SLC23A2: variants seen among roughly 807,000 people sequenced by gnomAD.
The protein encoded by SLC23A2 is Na(+)/L-ascorbic acid transporter 2.
A neutral mutation model predicts 73.3 loss-of-function variants in SLC23A2; 36 were observed. That is an observed-to-expected ratio of 0.49 (90% CI 0.38 to 0.65). The LOEUF (loss-of-function observed/expected upper bound fraction) is 0.65, where lower values mean the gene tolerates loss of function less well. SLC23A2 is among the 30% of genes least tolerant of loss of function. The probability of loss-of-function intolerance (pLI) is 0.00; values close to 1 mark genes in which losing one functional copy is unlikely to be tolerated. For synonymous variants in SLC23A2, 343 were observed against 327.3 expected, an observed-to-expected ratio of 1.05 and a Z score of -0.52; for missense variants, 507 against 841.6, an observed-to-expected ratio of 0.60 and a Z score of 4.92.
At chr20:4,880,192 C>T (rs1406679919) in intron 9 of SLC23A2, among the ~76,000 whole-genome samples, 2 of 152,208 alleles carry the variant, frequency 1.3e-5, no homozygotes, top group African/African-American at 2.4e-5. Flanking sequence ...GAGTTTCCCT[C>T]CTTTCACAGA....
intron 1 of SLC23A2, among the ~76,000 whole-genome samples, chr20:4,974,796 T>C (rs962426664): frequency 6.6e-6 from 1 of 152,186 alleles, no homozygotes; most frequent in African/African-American, 2.4e-5. Context: ...GTGTTTTTGT[T>C]TTTGTTTTTG....
At chr20:4,919,196 C>A (rs1715366) in intron 3 of SLC23A2, among the ~76,000 whole-genome samples, 2 of 152,030 alleles carry the variant, frequency 1.3e-5, no homozygotes, top group Non-Finnish European at 2.9e-5. Context: ...ATGCAGCAGC[C>A]GATAGATCTA....
intron 5 of SLC23A2, among the ~76,000 whole-genome samples, chr20:4,901,161 C>A (rs1931730679): frequency 6.6e-6 from 1 of 152,158 alleles, no homozygotes; most frequent in African/African-American, 2.4e-5. Flanking sequence ...GGCCACTCAG[C>A]TCCTTTTGCT....
intron 1 of SLC23A2, among the ~76,000 whole-genome samples, chr20:4,987,996 T>TAAA (rs201715841): frequency 1.4e-5 from 2 of 139,436 alleles, no homozygotes; most frequent in Admixed American, 7.2e-5. Flanking sequence ...CACGATGCAT[T>TAAA]AAAAAAAAAA....
At chr20:5,001,908 T>C (rs2088133981), upstream of SLC23A2, among the ~76,000 whole-genome samples, 1 of 152,058 alleles carries the variant, frequency 6.6e-6, no homozygotes, top group Non-Finnish European at 1.5e-5. Context: ...TTGGGCTCAG[T>C]GGGTTGGATG....
chr20:4,931,471 T>G (rs1307786818), intron 3 of SLC23A2, among the ~76,000 whole-genome samples: 1 of 152,134 alleles, frequency 6.6e-6, no homozygotes, highest in African/African-American at 2.4e-5. Flanking sequence ...ATAACTAATC[T>G]TGAAACCAGG....
chr20:4,990,433 G>T (rs567431284), intron 1 of SLC23A2, among the ~76,000 whole-genome samples: 1 of 151,838 alleles, frequency 6.6e-6, no homozygotes, highest in Non-Finnish European at 1.5e-5. Context: ...GCAGTGGCGC[G>T]ATCTCGACTC....
intron 2 of SLC23A2, among the ~76,000 whole-genome samples, chr20:4,940,779 T>C (rs575596946): frequency 1.3e-5 from 2 of 152,184 alleles, no homozygotes; most frequent in African/African-American, 4.8e-5. Flanking sequence ...GCGTCTAAAA[T>C]AGTCAAATGC....
chr20:4,951,292 G>C (rs2087198573), intron 2 of SLC23A2, among the ~76,000 whole-genome samples: 2 of 152,138 alleles, frequency 1.3e-5, no homozygotes, highest in South Asian at 4.1e-4. Flanking sequence ...GCTGAGGTGG[G>C]GAAGAACAGT....
At chr20:4,904,129 A>G (rs1008391912) in intron 4 of SLC23A2, among the ~76,000 whole-genome samples, 189 of 152,286 alleles carry the variant, frequency 1.2e-3, no homozygotes, top group Non-Finnish European at 2.1e-3. Flanking sequence ...CCTCTTCTCT[A>G]GTTTATACAT....
intron 3 of SLC23A2, among the ~76,000 whole-genome samples, chr20:4,929,657 A>G (rs1173348780): frequency 6.6e-6 from 1 of 152,256 alleles, no homozygotes; most frequent in Non-Finnish European, 1.5e-5. Flanking sequence ...ACACATATAT[A>G]TAAGAAATTA....
In SLC23A2 at chr20:4,872,378, C is replaced by T. The variant is rs904185605; in HGVS notation, c.1102+1558G>A. ...AGGAGCCCTACGTGCTCGCTCACGG[C>T]CAGCACAACCTCAGGCGCTCTGTCT... On this transcript the variant is annotated intron_variant, in intron 11 of 16. Transcript: ENST00000338244. This position sits in a 1 kb window ranked among gnomAD's most constrained non-coding sequence, Gnocchi z 4.4. 1.9e-4 allele frequency among the ~76,000 whole-genome samples: 29 copies of T among 152,308 alleles called. No homozygotes were observed. Among genetic ancestry groups the T allele is most frequent in the African/African-American group, 6.3e-4 (26 of 41,570 alleles).
chr20:5,001,323 C>A (rs868761358), intron 1 of SLC23A2, 83 bp downstream of exon 1: 308 of 146,458 alleles, frequency 2.1e-3, no homozygotes, highest in African/African-American at 7.0e-3. Flanking sequence ...AGGCCGGCCT[C>A]GTGGGCGCGG....
At position 4,884,756 on chromosome 20, in the gene SLC23A2, T is replaced by C; in HGVS notation, c.639A>G (p.Arg213=). The change falls in exon 8 of 17, where the codon CGA becomes CGG. Residue 213 remains arginine (R), a synonymous_variant. Coordinates refer to ENST00000338244, the MANE Select transcript of SLC23A2 (RefSeq NM_005116.6). ...GCAGACAACGCTTGTCTTTTACCTC[T>C]CGGATCCGGGGATACCAGATGTGTT... is the stretch of plus-strand genomic sequence containing the variant. ...HTEHIWYPRI[R]EIQGAIIMSS... is the part of the protein sequence containing the mutation. 6.2e-7 allele frequency: 1 copy of C among 1,608,688 alleles called. No individual in the cohort carries two copies. Among genetic ancestry groups the C allele is most frequent in the Non-Finnish European group, 8.5e-7 (1 of 1,175,666 alleles).
chr20:4,924,268 T>C (rs1165135790), intron 3 of SLC23A2, among the ~76,000 whole-genome samples: 2 of 152,070 alleles, frequency 1.3e-5, no homozygotes, highest in African/African-American at 2.4e-5. Context: ...AGCCAACCCT[T>C]CCTCCACTGT....
At chr20:4,866,071 G>T (rs1930185458) in intron 13 of SLC23A2, among the ~76,000 whole-genome samples, 1 of 152,116 alleles carries the variant, frequency 6.6e-6, no homozygotes, top group Non-Finnish European at 1.5e-5. Context: ...GACCTCAGGT[G>T]ATCTGCCCAC....
chr20:4,959,852 T>C (rs980283629), intron 2 of SLC23A2, among the ~76,000 whole-genome samples: 44 of 151,876 alleles, frequency 2.9e-4, no homozygotes, highest in Admixed American at 2.8e-3. Flanking sequence ...GGCAGGCTCA[T>C]AGCTCATTGC....
At chr20:4,960,121 A>T (rs1392740788) in intron 2 of SLC23A2, among the ~76,000 whole-genome samples, 1 of 152,188 alleles carries the variant, frequency 6.6e-6, no homozygotes, top group African/African-American at 2.4e-5. Flanking sequence ...TAATAGCCAA[A>T]ACCTGGAAAC....
chr20:4,872,297 C>G lies in SLC23A2; in HGVS notation c.1102+1639G>C, dbSNP rs1423988060. Among the ~76,000 whole-genome samples the G allele has an allele frequency of 1.3e-5, 2 of 150,054 alleles. No homozygotes were observed. The highest frequency in any genetic ancestry group is 1.3e-4 in the Admixed American group (2 of 15,126). On this transcript the variant is annotated intron_variant, in intron 11 of 16. Coordinates refer to ENST00000338244, the MANE Select transcript of SLC23A2 (RefSeq NM_005116.6). This position sits in a 1 kb window ranked among gnomAD's most constrained non-coding sequence, Gnocchi z 4.4. ...TGTATACAGTAGTACGACTATATCC[C>G]TGGAGGTGGCTTTCTAGCTATGGAG... is the stretch of plus-strand genomic sequence containing the variant.
Sources: gnomAD v4.1 joint callset for allele counts (sites outside exome capture counted in the v4.1 genomes callset) on GRCh38, gnomAD v4.1.1 for gene constraint, Gnocchi (gnomAD v3.1) non-coding constraint, MANE v1.5 for transcripts, NCBI Gene and HGNC (gene_info 2026-07-23, HGNC 2026-07-21) for gene names.